ZEB1: variants seen among roughly 807,000 people sequenced by gnomAD.
ZEB1 encodes the protein zinc finger E-box-binding homeobox 1.
In ZEB1, 21 loss-of-function variants were observed where a neutral mutation model predicts 84.9. That is an observed-to-expected ratio of 0.25 (90% confidence interval 0.18 to 0.36). The LOEUF (loss-of-function observed/expected upper bound fraction) is 0.36, where lower values mean the gene tolerates loss of function less well. Ranked by LOEUF, ZEB1 falls within the 10% of genes least tolerant of loss-of-function variation. The pLI, the probability that ZEB1 is intolerant of heterozygous loss-of-function variation, is 1.00. For synonymous variants in ZEB1, 420 were observed against 471.1 expected, an observed-to-expected ratio of 0.89 and a Z score of 1.41; for missense variants, 1,104 against 1,330.2, an observed-to-expected ratio of 0.83 and a Z score of 2.65.
intron 2 of ZEB1, among the ~76,000 whole-genome samples, chr10:31,477,541 G>A (rs1306794651): frequency 6.6e-6 from 1 of 151,916 alleles, no homozygotes; most frequent in African/African-American, 2.4e-5. Flanking sequence ...AAAAGAGCCT[G>A]AATAGCCAAA....
At chr10:31,353,582 A>C (rs1336833740) in intron 1 of ZEB1, among the ~76,000 whole-genome samples, 1 of 152,250 alleles carries the variant, frequency 6.6e-6, no homozygotes, top group Non-Finnish European at 1.5e-5. Flanking sequence ...TTTATGATCA[A>C]ATTGACAAGT....
At chr10:31,378,973 A>G (rs1037368336) in intron 1 of ZEB1, among the ~76,000 whole-genome samples, 13 of 152,156 alleles carry the variant, frequency 8.5e-5, no homozygotes, top group Middle Eastern at 3.4e-3. Flanking sequence ...AAATCTCTCA[A>G]ATATTTCTGT....
At chr10:31,457,273 C>T (rs2061349064) in intron 1 of ZEB1, among the ~76,000 whole-genome samples, 1 of 152,092 alleles carries the variant, frequency 6.6e-6, no homozygotes, top group Non-Finnish European at 1.5e-5. Flanking sequence ...CAAGGGCCTG[C>T]ATTACTCTGT....
intron 2 of ZEB1, among the ~76,000 whole-genome samples, chr10:31,478,428 A>G (rs948544456): frequency 6.6e-6 from 1 of 151,938 alleles, no homozygotes; most frequent in African/African-American, 2.4e-5. Context: ...TACAACCGCT[A>G]TGGAAAACAG....
chr10:31,445,591 T>G (rs1172939489), intron 1 of ZEB1, among the ~76,000 whole-genome samples: 1 of 152,192 alleles, frequency 6.6e-6, no homozygotes, highest in Non-Finnish European at 1.5e-5. Flanking sequence ...GTACGTCCCA[T>G]TAATACCTAA....
chr10:31,359,030 T>C (rs2042563533), intron 1 of ZEB1, among the ~76,000 whole-genome samples: 1 of 152,184 alleles, frequency 6.6e-6, no homozygotes, highest in Admixed American at 6.5e-5. Context: ...TGTGTCGTTT[T>C]GCCCCAAATC....
intron 1 of ZEB1, among the ~76,000 whole-genome samples, chr10:31,371,951 T>C (rs537156384): frequency 1.4e-4 from 22 of 152,230 alleles, no homozygotes; most frequent in African/African-American, 5.3e-4. Flanking sequence ...TGGTATCAGG[T>C]TATTGATAGG....
chr10:31,451,147 C>G (rs1251819831), intron 1 of ZEB1, among the ~76,000 whole-genome samples: 1 of 152,116 alleles, frequency 6.6e-6, no homozygotes, highest in East Asian at 1.9e-4. Flanking sequence ...AAATAATTTT[C>G]CAAGTTCTAT....
intron 1 of ZEB1, among the ~76,000 whole-genome samples, chr10:31,338,280 C>G (rs1411786656): frequency 6.6e-6 from 1 of 152,036 alleles, no homozygotes; most frequent in East Asian, 1.9e-4. Flanking sequence ...ATTTTTGTAT[C>G]AGGCACTATT....
chr10:31,420,945 A>G (rs1254815762), intron 1 of ZEB1, among the ~76,000 whole-genome samples: 4 of 152,086 alleles, frequency 2.6e-5, no homozygotes, highest in Non-Finnish European at 5.9e-5. Context: ...CTGTTTCTTG[A>G]CCCTGTACCT....
intron 2 of ZEB1, among the ~76,000 whole-genome samples, chr10:31,478,498 C>G (rs2064585675): frequency 6.6e-6 from 1 of 151,972 alleles, no homozygotes; most frequent in African/African-American, 2.4e-5. Context: ...AATGCCACTA[C>G]TGGGCTTCTA....
At position 31,524,214 on chromosome 10, in the gene ZEB1, T is replaced by C. The variant is rs1045218862; in HGVS notation, c.2785+101T>C. The stretch of plus-strand genomic sequence containing the variant: ...TAGAATTTTCTTTCTTTTTTTTTTT[T>C]TTTATTTTGTTTTGAGACAAGGTCT... On this transcript the variant is annotated intron_variant, in intron 8 of 8. Coordinates refer to ENST00000424869, the MANE Select transcript of ZEB1 (RefSeq NM_001174096.2). 13 of 1,325,230 alleles carry C rather than the reference T, an allele frequency of 9.8e-6. No individual in the cohort carries two copies. In the African/African-American group the frequency reaches 2.0e-4, roughly 20 times the overall value. 82.1% of individuals were successfully genotyped at this position (1,325,230 alleles called of 1,614,324 possible).
chr10:31,440,065 G>C (rs966948355), intron 1 of ZEB1, among the ~76,000 whole-genome samples: 1 of 152,300 alleles, frequency 6.6e-6, no homozygotes, highest in Admixed American at 6.5e-5. Context: ...GCAGGGAATT[G>C]GTAGTGGGTG....
At chr10:31,321,008 T>C in intron 1 of ZEB1, 1 of 410,082 alleles carries the variant, frequency 2.4e-6, no homozygotes, top group Non-Finnish European at 3.3e-6. Flanking sequence ...TTAAAACGAC[T>C]TTTAAGAGAG....
chr10:31,499,788 A>G (rs945935554), intron 3 of ZEB1, among the ~76,000 whole-genome samples: 7 of 152,262 alleles, frequency 4.6e-5, no homozygotes, highest in Middle Eastern at 3.4e-3. Flanking sequence ...GAAATTATCA[A>G]TAATGAAGAA....
intron 1 of ZEB1, among the ~76,000 whole-genome samples, chr10:31,389,243 T>A (rs2049184888): frequency 6.6e-6 from 1 of 152,188 alleles, no homozygotes; most frequent in East Asian, 1.9e-4. Flanking sequence ...TGTTGTTCTA[T>A]GATTTTGATC....
At chr10:31,349,594 C>G (rs1037627151) in intron 1 of ZEB1, among the ~76,000 whole-genome samples, 2 of 152,140 alleles carry the variant, frequency 1.3e-5, no homozygotes, top group Non-Finnish European at 1.5e-5. Flanking sequence ...TCTGTTTCAT[C>G]TTTTTGATAA....
intron 1 of ZEB1, among the ~76,000 whole-genome samples, chr10:31,454,151 A>T (rs1488436411): frequency 1.3e-5 from 2 of 152,220 alleles, no homozygotes; most frequent in African/African-American, 4.8e-5. Flanking sequence ...GGAACAAATC[A>T]CAAAAACCAC....
intron 1 of ZEB1, among the ~76,000 whole-genome samples, chr10:31,337,974 C>T (rs1255487852): frequency 6.6e-5 from 10 of 152,236 alleles, no homozygotes; most frequent in South Asian, 4.1e-4. Flanking sequence ...TGAGACACCG[C>T]GCCCGGCCTA....
Sources: allele counts gnomAD v4.1 joint callset (sites outside exome capture counted in the v4.1 genomes callset), GRCh38; gene constraint gnomAD v4.1.1; transcripts MANE v1.5; gene names NCBI Gene and HGNC (gene_info 2026-07-23, HGNC 2026-07-21).